ZXDC: variants seen among roughly 807,000 people sequenced by gnomAD.
The protein encoded by ZXDC is ZXD family zinc finger C, also known as zinc finger protein ZXDC.
In ZXDC, 58 loss-of-function variants were observed where a neutral mutation model predicts 63.6. That is an observed-to-expected ratio of 0.91 (90% confidence interval 0.74 to 1.13). ZXDC has a LOEUF of 1.13. Among genes scored for constraint, ZXDC ranks in the 50% most tolerant of loss-of-function variants. The pLI is 0.00. For missense variants in ZXDC, 1,133 were observed against 1,148.9 expected (o/e 0.99, Z 0.20); for synonymous variants, 561 against 496.1 (o/e 1.13, Z -1.74).
At chr3:126,474,062 CT>C (rs796761643) in intron 1 of ZXDC, among the ~76,000 whole-genome samples, 9,373 of 129,812 alleles carry the variant, frequency 0.072, 288 homozygotes, top group African/African-American at 0.16. Flanking sequence ...AGGCAGTGGA[CT>C]TTTTTTTTTT....
At chr3:126,466,531 G>C (rs1457889563) in intron 4 of ZXDC, among the ~76,000 whole-genome samples, 1 of 152,208 alleles carries the variant, frequency 6.6e-6, no homozygotes, top group Non-Finnish European at 1.5e-5. Context: ...GAGATACAGT[G>C]AAACCCGTAG....
At chr3:126,463,827 T>C (rs528763667) in intron 5 of ZXDC, among the ~76,000 whole-genome samples, 14 of 152,336 alleles carry the variant, frequency 9.2e-5, no homozygotes, top group African/African-American at 3.1e-4. Flanking sequence ...TATTTTATAT[T>C]TTTAATAATG....
intron 7 of ZXDC, chr3:126,453,065 T>C: frequency 2.0e-6 from 2 of 985,390 alleles, no homozygotes; most frequent in Non-Finnish European, 2.4e-6. Flanking sequence ...GAAGCTTCTG[T>C]TTTCCACAGA....
intron 4 of ZXDC, 107 bp from the exon 5 acceptor site, chr3:126,466,432 C>G: frequency 8.2e-7 from 1 of 1,212,312 alleles, no homozygotes; most frequent in Non-Finnish European, 1.2e-6. Context: ...ATTTTGCACC[C>G]TGGCTACTGG....
chr3:126,450,971 T>C (rs937206007), intron 7 of ZXDC: 3 of 243,450 alleles, frequency 1.2e-5, no homozygotes, highest in Non-Finnish European at 2.0e-5. Context: ...CACAGGGAGG[T>C]AGGCACACAC....
Position 126,438,438 on chromosome 3 carries a change from G to A in ZXDC, c.2514C>T (p.Gly838=), listed in dbSNP as rs778461898. The A allele has an allele frequency of 1.9e-6, 3 of 1,613,842 alleles. No individual in the cohort carries two copies. Among genetic ancestry groups the A allele is most frequent in the East Asian group, 4.5e-5 (2 of 44,854 alleles). Residue 838 remains glycine (G), a synonymous_variant, in exon 10 of 10, where the codon GGC becomes GGT. Transcript: ENST00000389709. ...VLQEVLPSSG[G]PAGPEATQFP... is the part of the protein sequence containing the mutation. ...ACTGGGTGGCCTCCGGTCCAGCAGG[G>A]CCTCCAGATGAGGGGAGCACCTCCT...
In ZXDC at chr3:126,462,095, T is replaced by C. The variant is rs531325248; in HGVS notation, c.1567A>G (p.Ser523Gly). ...ALFSDTPANA[S>G]GSAGGSDEAL... The stretch of plus-strand genomic sequence containing the variant: ...TCATCCGACCCACCTGCAGAACCAC[T>C]AGCATTGGCAGGTGTGTCAGAGAAG... The change falls in exon 6 of 10, where the codon AGT becomes GGT. Residue 523 changes from serine to glycine, a missense_variant. Physicochemically the swap from Ser to Gly is moderately conservative, Grantham distance 56 (BLOSUM62 0). Transcript: ENST00000389709. 2 of 1,614,056 alleles carry C rather than the reference T, an allele frequency of 1.2e-6. No individual in the cohort carries two copies. Among genetic ancestry groups the C allele is most frequent in the African/African-American group, 1.3e-5 (1 of 75,018 alleles).
intron 7 of ZXDC, chr3:126,451,417 T>A: frequency 3.0e-6 from 3 of 985,428 alleles, no homozygotes; most frequent in Non-Finnish European, 3.6e-6. Flanking sequence ...AGCAGCAGCA[T>A]GTGCAGCTTC....
In ZXDC at chr3:126,462,069, C is replaced by G. The variant is rs563867432; in HGVS notation, c.1593G>C (p.Glu531Asp). Residue 531 changes from glutamate to aspartate, a missense_variant, in exon 6 of 10, where the codon GAG (glutamate) becomes GAC (aspartate). Physicochemically the swap from Glu to Asp is conservative, Grantham distance 45 (BLOSUM62 2). Transcript: ENST00000389709. The stretch of plus-strand genomic sequence containing the variant: ...TAGTCAGGATTCCGGAGTTCAGAGC[C>G]TCATCCGACCCACCTGCAGAACCAC... ...NASGSAGGSD[E>D]ALNSGILTID... is the part of the protein sequence containing the mutation. 6.2e-7 allele frequency: 1 copy of G among 1,614,024 alleles called. No homozygotes were observed. Among genetic ancestry groups the G allele is most frequent in the Non-Finnish European group, 8.5e-7 (1 of 1,180,030 alleles).
At chr3:126,444,626 GC>G (rs1305451325) in intron 7 of ZXDC, among the ~76,000 whole-genome samples, 2 of 152,062 alleles carry the variant, frequency 1.3e-5, no homozygotes, top group African/African-American at 4.8e-5. Flanking sequence ...TTAAAAGCAG[GC>G]AAGATTTTAA....
chr3:126,447,966 G>A (rs1464874272), intron 7 of ZXDC, among the ~76,000 whole-genome samples: 4 of 152,318 alleles, frequency 2.6e-5, no homozygotes, highest in African/African-American at 4.8e-5. Context: ...GAGGGCAGCC[G>A]GCCTTGGGTT....
At chr3:126,458,384 G>A (rs908468347) in intron 7 of ZXDC, among the ~76,000 whole-genome samples, 2 of 151,818 alleles carry the variant, frequency 1.3e-5, no homozygotes, top group East Asian at 1.9e-4. Context: ...TTACAGACAC[G>A]TGCCACCACG....
chr3:126,441,806 C>A lies in ZXDC; in HGVS notation c.2353G>T (p.Val785Leu), dbSNP rs778965863. ...GRPGPAPAAG[V>L]QCGAQGVQVQ... ...TGGACGCCCTGCGCCCCGCACTGCA[C>A]CCCAGCTGCTGGAGCTGGTCCTGGC... The change falls in exon 8 of 10, where the codon GTG becomes TTG. Residue 785 changes from valine to leucine, a missense_variant. By Grantham distance (32) the Val-to-Leu change is conservative. Transcript: ENST00000389709. 29 of 1,612,658 alleles carry A rather than the reference C, an allele frequency of 1.8e-5. 1 individual carries two copies. Among genetic ancestry groups the A allele is most frequent in the Non-Finnish European group, 2.1e-5 (25 of 1,179,614 alleles).
intron 7 of ZXDC, among the ~76,000 whole-genome samples, chr3:126,457,086 C>G (rs553326823): frequency 6.6e-6 from 1 of 152,338 alleles, no homozygotes; most frequent in Admixed American, 6.5e-5. Flanking sequence ...TCAACCAGAC[C>G]AGAGGAGACG....
In ZXDC at chr3:126,475,022, TG is replaced by T; in HGVS notation, c.843del (p.Lys282SerfsTer30). 1 of 1,598,272 alleles carries T rather than the reference TG, an allele frequency of 6.3e-7. No homozygotes were observed. Among genetic ancestry groups the T allele is most frequent in the Non-Finnish European group, 8.5e-7 (1 of 1,173,070 alleles). ...TGGCTGCGCTGGTGGGAGCTGAGCT[TG>T]GCGTGCGTGGGGAAGCGCTCGGCGC... ...EVCAERFPTH[A>X]KLSSHQRSHF... On this transcript the variant is annotated frameshift_variant, in exon 1 of 10. Transcript: ENST00000389709. LOFTEE classifies it high-confidence loss of function.
chr3:126,453,840 C>A, intron 7 of ZXDC: 1 of 984,792 alleles, frequency 1.0e-6, no homozygotes, highest in East Asian at 1.1e-4. Context: ...GCTGGGATTA[C>A]AGGCATGAGC....
chr3:126,472,572 G>A (rs1560106567), intron 1 of ZXDC, among the ~76,000 whole-genome samples: 2 of 152,152 alleles, frequency 1.3e-5, no homozygotes, highest in Admixed American at 6.5e-5. Flanking sequence ...AAAGTCCTCC[G>A]TTCACAGCCA....
At chr3:126,454,659 T>C (rs1934240103) in intron 7 of ZXDC, 2 of 985,352 alleles carry the variant, frequency 2.0e-6, no homozygotes, top group African/African-American at 3.5e-5. Context: ...CTTGGTTTTC[T>C]GTCACAATGT....
Position 126,475,493 on chromosome 3 carries a change from G to C in ZXDC, c.373C>G (p.Pro125Ala). The C allele has an allele frequency of 2.4e-6, 3 of 1,226,166 alleles. 1 individual carries two copies. Among genetic ancestry groups the C allele is most frequent in the Non-Finnish European group, 1.0e-6 (1 of 985,990 alleles). 76.0% of individuals were successfully genotyped at this position (1,226,166 alleles called of 1,614,324 possible). A position where few individuals can be genotyped will look rare whatever the true frequency, so the allele number is the denominator to read the frequency against. ...PAAPPGPGVA[P>A]AGAVTISSQD... ...CTGCTGATGGTGACGGCGCCCGCCG[G>C]GGCTACGCCAGGGCCGGGGGGGGCG... is the stretch of plus-strand genomic sequence containing the variant. Residue 125 changes from proline (P) to alanine (A), a missense_variant, in exon 1 of 10, where the codon CCG (proline) becomes GCG (alanine). Physicochemically the swap from Pro to Ala is conservative, Grantham distance 27. Transcript: ENST00000389709.
Sources: gnomAD v4.1 joint callset for allele counts (sites outside exome capture counted in the v4.1 genomes callset) on GRCh38, gnomAD v4.1.1 for gene constraint, MANE v1.5 for transcripts, NCBI Gene and HGNC (gene_info 2026-07-23, HGNC 2026-07-21) for gene names.